TEK: variants seen among roughly 807,000 people sequenced by gnomAD.
TEK encodes angiopoietin-1 receptor.
Under a neutral mutation model 131.8 loss-of-function variants are expected in TEK, and 43 were observed. The ratio of observed to expected loss-of-function variants is 0.33; its 90% confidence interval spans 0.26 to 0.42. The LOEUF (loss-of-function observed/expected upper bound fraction) is 0.42, where lower values mean the gene tolerates loss of function less well. Among genes scored for constraint, TEK ranks in the 10% least tolerant of loss-of-function variants. The pLI, the probability that TEK is intolerant of heterozygous loss-of-function variation, is 1.00. For synonymous variants in TEK, 580 were observed against 491.6 expected (o/e 1.18, Z -2.38); for missense variants, 1,162 against 1,384.4 (o/e 0.84, Z 2.55).
At chr9:27,126,891 C>G (rs62542752) in intron 1 of TEK, among the ~76,000 whole-genome samples, 19,303 of 152,198 alleles carry the variant, frequency 0.13, 1,531 homozygotes, top group Middle Eastern at 0.27. Context: ...CTCACTCACA[C>G]CCATTACAAG....
At chr9:27,189,427 C>T (rs544236590) in intron 9 of TEK, among the ~76,000 whole-genome samples, 62 of 152,140 alleles carry the variant, frequency 4.1e-4, no homozygotes, top group Non-Finnish European at 7.1e-4. Context: ...GGGCTGCAAC[C>T]CATTGTAATA....
intron 1 of TEK, among the ~76,000 whole-genome samples, chr9:27,136,474 T>C (rs1471538042): frequency 3.9e-5 from 6 of 152,198 alleles, no homozygotes; most frequent in African/African-American, 1.2e-4. Flanking sequence ...TGTTCAAATT[T>C]TGTCAACCCA....
intron 2 of TEK, among the ~76,000 whole-genome samples, chr9:27,165,787 C>T (rs546098357): frequency 2.0e-5 from 3 of 152,318 alleles, no homozygotes; most frequent in African/African-American, 7.2e-5. Context: ...CTACCCCGTG[C>T]TCTCTCTGGG....
At chr9:27,221,821 AGAATGCCTCTCCTCCTCC>A (rs1826095930) in intron 21 of TEK, among the ~76,000 whole-genome samples, 1 of 152,244 alleles carries the variant, frequency 6.6e-6, no homozygotes, top group African/African-American at 2.4e-5. Context: ...TCCAAAAACC[AGAATGCCTCTCCTCCTCC>A]AAAGGATCAC....
intron 1 of TEK, among the ~76,000 whole-genome samples, chr9:27,130,031 A>G (rs1822152124): frequency 6.6e-6 from 1 of 152,220 alleles, no homozygotes; most frequent in South Asian, 2.1e-4. Flanking sequence ...TCACCTAAAG[A>G]TATTGGTTTT....
chr9:27,186,627 C>G (rs1355930790), intron 9 of TEK, among the ~76,000 whole-genome samples: 1 of 152,170 alleles, frequency 6.6e-6, no homozygotes, highest in Non-Finnish European at 1.5e-5. Flanking sequence ...AGTATTAAAC[C>G]TGGATCTTCT....
chr9:27,190,672 G>C lies in TEK; in HGVS notation c.1471G>C (p.Ala491Pro). 6.2e-7 allele frequency: 1 copy of C among 1,613,900 alleles called. No individual in the cohort carries two copies. Among genetic ancestry groups the C allele is most frequent in the Middle Eastern group, 1.7e-4 (1 of 6,060 alleles). The change falls in exon 10 of 23, where the codon GCT (alanine) becomes CCT (proline). Residue 491 changes from alanine to proline, a missense_variant. Coordinates refer to ENST00000380036, the MANE Select transcript of TEK (RefSeq NM_000459.5). ...ATACAAACCCGTTAATCACTATGAG[G>C]CTTGGCAACATATTCAAGGTAAGCT... ...LLYKPVNHYE[A>P]WQHIQVTNEI...
chr9:27,200,988 T>A (rs1825194253), intron 12 of TEK, among the ~76,000 whole-genome samples: 1 of 152,176 alleles, frequency 6.6e-6, no homozygotes, highest in Admixed American at 6.5e-5. Context: ...ATGCTACAAA[T>A]GTCTTGCACT....
intron 1 of TEK, among the ~76,000 whole-genome samples, chr9:27,144,680 A>G (rs1247382284): frequency 2.0e-5 from 3 of 152,198 alleles, no homozygotes; most frequent in Non-Finnish European, 4.4e-5. Context: ...CACAGAAATA[A>G]TTCACATATG....
intron 2 of TEK, 89 bp downstream of exon 2, chr9:27,158,231 C>A: frequency 7.1e-7 from 1 of 1,409,934 alleles, no homozygotes; most frequent in Non-Finnish European, 1.0e-6. Context: ...AGGGGCAGGG[C>A]ATGCACTACC....
intron 1 of TEK, among the ~76,000 whole-genome samples, chr9:27,127,764 A>G (rs1189533762): frequency 1.3e-5 from 2 of 152,226 alleles, no homozygotes; most frequent in African/African-American, 2.4e-5. Context: ...TGTTGGCTGC[A>G]TAAATGTCTT....
chr9:27,144,664 C>A (rs1429281072), intron 1 of TEK, among the ~76,000 whole-genome samples: 1 of 152,038 alleles, frequency 6.6e-6, no homozygotes, highest in Admixed American at 6.6e-5. Context: ...ATAGGTGGCA[C>A]ACAATCACAG....
At chr9:27,112,764 C>T (rs1424667243) in intron 1 of TEK, among the ~76,000 whole-genome samples, 1 of 152,094 alleles carries the variant, frequency 6.6e-6, no homozygotes, top group Non-Finnish European at 1.5e-5. Flanking sequence ...TTGTTCTAGG[C>T]TGGAAGGGTG....
intron 4 of TEK, 44 bp from the exon 5 acceptor site, chr9:27,172,572 C>T (rs771916358): frequency 2.4e-5 from 38 of 1,610,148 alleles, no homozygotes; most frequent in Middle Eastern, 1.7e-4. Flanking sequence ...ATGTGTTGAG[C>T]GAATGCGCTC....
At chr9:27,151,792 G>A (rs1019585534) in intron 1 of TEK, among the ~76,000 whole-genome samples, 5 of 152,206 alleles carry the variant, frequency 3.3e-5, no homozygotes, top group Admixed American at 6.5e-5. Flanking sequence ...ATAAGTCTGC[G>A]TGGTAAGTGA....
At chr9:27,112,291 T>A (rs1821375799) in intron 1 of TEK, among the ~76,000 whole-genome samples, 1 of 152,170 alleles carries the variant, frequency 6.6e-6, no homozygotes, top group East Asian at 1.9e-4. Flanking sequence ...GTCAGGGAAG[T>A]GCTCCCAGAT....
At chr9:27,188,508 G>A (rs1014289571) in intron 9 of TEK, among the ~76,000 whole-genome samples, 3 of 152,106 alleles carry the variant, frequency 2.0e-5, no homozygotes, top group African/African-American at 7.2e-5. Flanking sequence ...GAAAGGGGTG[G>A]CCTTATTTTA....
chr9:27,183,346 A>G (rs979548334), intron 7 of TEK, 113 bp from the exon 8 acceptor site: 19 of 1,192,392 alleles, frequency 1.6e-5, no homozygotes, highest in Non-Finnish European at 2.1e-5. Context: ...ACAGTAAAAT[A>G]TTTGCAAAGT....
chr9:27,225,640 G>A (rs1826292066), intron 21 of TEK, among the ~76,000 whole-genome samples: 1 of 152,136 alleles, frequency 6.6e-6, no homozygotes. Context: ...AACCCTAGAA[G>A]AAAACCTGGG....
Sources: gnomAD v4.1 joint callset for allele counts (sites outside exome capture counted in the v4.1 genomes callset) on GRCh38, gnomAD v4.1.1 for gene constraint, MANE v1.5 for transcripts, NCBI Gene and HGNC (gene_info 2026-07-23, HGNC 2026-07-21) for gene names.